Variants in ACOX3 observed in about 807,000 individuals in gnomAD.
The protein encoded by ACOX3 is peroxisomal acyl-coenzyme A oxidase 3.
Under a neutral mutation model 81.5 loss-of-function variants are expected in ACOX3, and 73 were observed. That is an observed-to-expected ratio of 0.90 (90% CI 0.74 to 1.09). ACOX3 has a LOEUF of 1.09. ACOX3 is among the 50% of genes least tolerant of loss of function. The pLI is 0.00. For synonymous variants in ACOX3, 387 were observed against 375.1 expected (o/e 1.03, Z -0.37); for missense variants, 947 against 928.0 (o/e 1.02, Z -0.27).
intron 11 of ACOX3, among the ~76,000 whole-genome samples, chr4:8,390,721 T>G (rs1718888799): frequency 6.6e-6 from 1 of 151,930 alleles, no homozygotes; most frequent in African/African-American, 2.4e-5. Context: ...AGGAAGGGAG[T>G]GGAGCTGACT....
At chr4:8,403,343 G>T (rs949250374) in intron 7 of ACOX3, among the ~76,000 whole-genome samples, 1 of 152,166 alleles carries the variant, frequency 6.6e-6, no homozygotes, top group Non-Finnish European at 1.5e-5. Flanking sequence ...GTATCACTGC[G>T]CCCCCTGCTG....
intron 11 of ACOX3, among the ~76,000 whole-genome samples, chr4:8,390,630 G>A (rs1017020796): frequency 6.6e-6 from 1 of 152,254 alleles, no homozygotes; most frequent in African/African-American, 2.4e-5. Flanking sequence ...TGTCAGGCTT[G>A]CTTTCCAGAC....
Position 8,389,534 on chromosome 4 carries a change from G to C in ACOX3, c.1423+78C>G. 6.3e-7 allele frequency: 1 copy of C among 1,595,240 alleles called. No homozygotes were observed. The highest frequency in any genetic ancestry group is 8.6e-7 in the Non-Finnish European group (1 of 1,168,362). Reference sequence around the variant, plus strand: ...CCTAGGATGCATTCACAGAACAGCTGAATCAGTGAGGCCAGGAGAACCCAC... The same window carrying C: ...CCTAGGATGCATTCACAGAACAGCTCAATCAGTGAGGCCAGGAGAACCCAC... On this transcript the variant is annotated intron_variant, in intron 12 of 17. Transcript: ENST00000356406. The surrounding 1 kb of genome is among the most constrained non-coding windows in gnomAD (Gnocchi z 5.3).
chr4:8,398,320 TTC>T (rs1391393963), intron 8 of ACOX3, among the ~76,000 whole-genome samples: 1 of 152,208 alleles, frequency 6.6e-6, no homozygotes, highest in Non-Finnish European at 1.5e-5. Flanking sequence ...TTCTAGAATT[TTC>T]TCTTAGAAAT....
rs1718139947 is a variant in ACOX3, at chr4:8,385,034, C to A, written c.1538-3427G>T. Among the ~76,000 whole-genome samples, 2 of 152,196 alleles carry A rather than the reference C, an allele frequency of 1.3e-5. No individual in the cohort carries two copies. Among genetic ancestry groups the A allele is most frequent in the African/African-American group, 4.8e-5 (2 of 41,454 alleles). On this transcript the variant is annotated intron_variant, in intron 13 of 17. Coordinates refer to ENST00000356406, the MANE Select transcript of ACOX3 (RefSeq NM_003501.3). This position sits in a 1 kb window ranked among gnomAD's most constrained non-coding sequence, Gnocchi z 5.5. ...TGGCCCCCCACACGCAGCAGCCCCC[C>A]ACCGAGGGCACCATGGCCTGGCCCC...
chr4:8,413,903 C>A (rs1423087324), intron 5 of ACOX3, among the ~76,000 whole-genome samples: 1 of 152,242 alleles, frequency 6.6e-6, no homozygotes. Context: ...GGGCAGAGGG[C>A]AGGGAGCATG....
chr4:8,360,123 G>A, the ACOX3 span, among the ~76,000 whole-genome samples: 1 of 152,172 alleles, frequency 6.6e-6, no homozygotes, highest in Non-Finnish European at 1.5e-5. Flanking sequence ...TAACCATGTG[G>A]CCATGCTTTC....
Position 8,399,587 on chromosome 4 carries a change from G to A in ACOX3, c.842C>T (p.Thr281Ile), listed in dbSNP as rs941241246. The A allele has an allele frequency of 1.2e-6, 2 of 1,614,166 alleles. No homozygotes were observed. Among genetic ancestry groups the A allele is most frequent in the Non-Finnish European group, 1.7e-6 (2 of 1,180,002 alleles). The part of the protein sequence containing the change: ...QSLLNRMGDV[T>I]PEGTYVSPFK... The stretch of plus-strand genomic sequence containing the variant: ...GGGGCTGACATAGGTGCCCTCGGGG[G>A]TGACGTCTCCCATCCGGTTCAGAAG... The change falls in exon 8 of 18, where the codon ACC becomes ATC. Residue 281 changes from threonine (T) to isoleucine (I), a missense_variant. By Grantham distance (89) the Thr-to-Ile change is moderately conservative (BLOSUM62 -1). Coordinates refer to ENST00000356406, the MANE Select transcript of ACOX3 (RefSeq NM_003501.3). The surrounding 1 kb of genome is among the most constrained non-coding windows in gnomAD (Gnocchi z 4.9).
In ACOX3 at chr4:8,423,885, G is replaced by C. The variant is rs754292425; in HGVS notation, c.-14-7350C>G. 3.9e-5 allele frequency among the ~76,000 whole-genome samples: 6 copies of C among 152,212 alleles called. No individual in the cohort carries two copies. Among genetic ancestry groups the C allele is most frequent in the Non-Finnish European group, 8.8e-5 (6 of 68,046 alleles). On this transcript the variant is annotated intron_variant, in intron 1 of 17. Coordinates refer to ENST00000356406, the MANE Select transcript of ACOX3 (RefSeq NM_003501.3). This position sits in a 1 kb window ranked among gnomAD's most constrained non-coding sequence, Gnocchi z 4.2. ...TTGGCCAGGCATTAGCCCGAGACTT[G>C]AGCCAGTTCTCATACTTGGGCACTC...
the ACOX3 span, chr4:8,357,783 C>T: frequency 5.9e-6 from 1 of 169,268 alleles, no homozygotes; most frequent in Non-Finnish European, 1.3e-5. Context: ...GGCCCAAGCC[C>T]TCCGCCGCCC....
In ACOX3 at chr4:8,376,292, A is replaced by G. The variant is rs77920172; in HGVS notation, c.1654-1140T>C. Among the ~76,000 whole-genome samples the G allele has an allele frequency of 2.9e-3, 449 of 152,232 alleles. 2 individuals are homozygous for G. The highest frequency in any genetic ancestry group is 0.01 in the African/African-American group (432 of 41,518). ...ATCTTACCAGATTTTTTAAATTAGG[A>G]AAACAACACACGCATTGCTTGACTT... On this transcript the variant is annotated intron_variant, in intron 14 of 17. Coordinates refer to ENST00000356406, the MANE Select transcript of ACOX3 (RefSeq NM_003501.3).
At chr4:8,362,833 T>C (rs764709862), downstream of ACOX3, among the ~76,000 whole-genome samples, 1 of 152,366 alleles carries the variant, frequency 6.6e-6, no homozygotes, top group East Asian at 1.9e-4. Context: ...TATCTGAGAT[T>C]CCTTCTATGG....
the ACOX3 span, chr4:8,357,833 C>G: frequency 6.9e-5 from 11 of 160,352 alleles, no homozygotes; most frequent in African/African-American, 2.7e-4. Flanking sequence ...GCATGCCCAT[C>G]AAATCCTGCT....
chr4:8,388,111 C>G (rs1361128080), intron 13 of ACOX3, among the ~76,000 whole-genome samples: 1 of 152,262 alleles, frequency 6.6e-6, no homozygotes, highest in African/African-American at 2.4e-5. Context: ...CTGGGCCCTG[C>G]TGCCTCCGCC....
chr4:8,389,663 G>A lies in ACOX3; in HGVS notation c.1372C>T (p.Leu458=). 1 of 1,614,112 alleles carries A rather than the reference G, an allele frequency of 6.2e-7. No homozygotes were observed. The highest frequency in any genetic ancestry group is 8.5e-7 in the Non-Finnish European group (1 of 1,180,026). ...AGCAAATAGTTGCTTGTCTGCTGCA[G>A]CAGGATGTTGTTGTCACCTTCGTAT... ...CTYEGDNNIL[L]QQTSNYLLGL... is the part of the protein sequence containing the mutation. Residue 458 remains leucine (L), a synonymous_variant, in exon 12 of 18, where the codon CTG becomes TTG. Coordinates refer to ENST00000356406, the MANE Select transcript of ACOX3 (RefSeq NM_003501.3). The surrounding 1 kb of genome is among the most constrained non-coding windows in gnomAD (Gnocchi z 5.3).
At chr4:8,435,221 T>C (rs1724157673) in intron 1 of ACOX3, among the ~76,000 whole-genome samples, 1 of 152,206 alleles carries the variant, frequency 6.6e-6, no homozygotes, top group South Asian at 2.1e-4. Context: ...CTGGGCGCGG[T>C]GGCTCACGCC....
chr4:8,380,758 C>A (rs1378501977), intron 14 of ACOX3, among the ~76,000 whole-genome samples: 1 of 152,220 alleles, frequency 6.6e-6, no homozygotes, highest in Non-Finnish European at 1.5e-5. Context: ...GTATCCACGG[C>A]CTCCCTGCAC....
chr4:8,373,470 G>A lies in ACOX3; in HGVS notation c.1896+91C>T, dbSNP rs76486913. 4,941 of 1,357,612 alleles carry A rather than the reference G, an allele frequency of 3.6e-3. 23 individuals carry two copies. Among genetic ancestry groups the A allele is most frequent in the Non-Finnish European group, 3.7e-3 (3,549 of 970,112 alleles). 84.1% of individuals were successfully genotyped at this position (1,357,612 alleles called of 1,614,324 possible). A position where few individuals can be genotyped will look rare whatever the true frequency, so the allele number is the denominator to read the frequency against. ...AGTCTGGGTGATACTAAGGCGGTGC[G>A]TGTCGGTCTGGGTGATGCTAAGGGG... On this transcript the variant is annotated intron_variant, in intron 16 of 17. Coordinates refer to ENST00000356406, the MANE Select transcript of ACOX3 (RefSeq NM_003501.3).
chr4:8,366,177 G>A (rs1186046188), downstream of ACOX3: 1 of 152,298 alleles, frequency 6.6e-6, no homozygotes, highest in Non-Finnish European at 1.5e-5. Flanking sequence ...TGCACTGATG[G>A]CCCCGGTCTG....
Sources: allele counts gnomAD v4.1 joint callset (sites outside exome capture counted in the v4.1 genomes callset), GRCh38; gene constraint gnomAD v4.1.1; non-coding constraint Gnocchi (gnomAD v3.1); transcripts MANE v1.5; gene names NCBI Gene and HGNC (gene_info 2026-07-23, HGNC 2026-07-21).